GALNTL6: variants seen among roughly 807,000 people sequenced by gnomAD.
The protein encoded by GALNTL6 is polypeptide N-acetylgalactosaminyltransferase like 6.
A neutral mutation model predicts 73.7 loss-of-function variants in GALNTL6; 46 were observed. That is an observed-to-expected ratio of 0.62 (90% CI 0.49 to 0.80). GALNTL6 has a LOEUF of 0.80. GALNTL6 is among the 30% of genes least tolerant of loss of function. The probability of loss-of-function intolerance (pLI) is 0.00; values close to 1 mark genes in which losing one functional copy is unlikely to be tolerated. For missense variants in GALNTL6, 604 were observed against 755.0 expected (o/e 0.80, Z 2.34); for synonymous variants, 259 against 263.7 (o/e 0.98, Z 0.17).
intron 2 of GALNTL6, among the ~76,000 whole-genome samples, chr4:172,179,864 G>C (rs575489784): frequency 6.6e-6 from 1 of 152,226 alleles, no homozygotes; most frequent in African/African-American, 2.4e-5. Flanking sequence ...ATTTGGGTTG[G>C]TTCCAAGTCT....
intron 10 of GALNTL6, among the ~76,000 whole-genome samples, chr4:173,008,523 A>C (rs1752395731): frequency 6.6e-6 from 1 of 152,210 alleles, no homozygotes; most frequent in African/African-American, 2.4e-5. Flanking sequence ...ATACACCAAG[A>C]TATGAGGTTG....
intron 5 of GALNTL6, among the ~76,000 whole-genome samples, chr4:172,477,056 G>A (rs1159798762): frequency 6.6e-6 from 1 of 150,844 alleles, no homozygotes; most frequent in African/African-American, 2.4e-5. Context: ...TCCTGAGCTG[G>A]GACTACAGGC....
chr4:171,843,839 A>C (rs1579503151), intron 2 of GALNTL6, among the ~76,000 whole-genome samples: 4 of 152,210 alleles, frequency 2.6e-5, no homozygotes, highest in Admixed American at 2.6e-4. Flanking sequence ...ATTATTTGAC[A>C]ATCAATAGTG....
In GALNTL6 at chr4:171,839,337, C is replaced by T. The variant is rs76277109; in HGVS notation, c.138+24619C>T. ...AATTTCTGATTTAAAAAAAATCTGC[C>T]TGACTGGTTGATCAGGAATTTATCT... On this transcript the variant is annotated intron_variant, in intron 2 of 12. Coordinates refer to ENST00000506823, the MANE Select transcript of GALNTL6 (RefSeq NM_001034845.3). Among the ~76,000 whole-genome samples, 114 of 152,140 alleles carry T rather than the reference C, an allele frequency of 7.5e-4. 1 individual carries two copies. The East Asian group carries it at 0.015, about 21-fold the overall frequency.
chr4:172,468,682 T>A (rs991461123), intron 5 of GALNTL6, among the ~76,000 whole-genome samples: 4 of 152,160 alleles, frequency 2.6e-5, no homozygotes, highest in African/African-American at 9.7e-5. Flanking sequence ...GGTGGTAGGT[T>A]GTAAGTCAAG....
chr4:171,923,786 CTGTGTGTGTGTGTGTGTGTG>C (rs563244976), intron 2 of GALNTL6, among the ~76,000 whole-genome samples: 1 of 133,206 alleles, frequency 7.5e-6, no homozygotes, highest in African/African-American at 2.9e-5. Flanking sequence ...AAAAGTATTG[CTGTGTGTGTGTGTGTGTGTG>C]TGTGTGTGTG....
chr4:172,058,833 T>A (rs1290734860), intron 2 of GALNTL6, among the ~76,000 whole-genome samples: 1 of 152,148 alleles, frequency 6.6e-6, no homozygotes, highest in Admixed American at 6.6e-5. Context: ...TTTAACTATA[T>A]CTTATAAGTC....
intron 5 of GALNTL6, among the ~76,000 whole-genome samples, chr4:172,421,657 T>C (rs991304302): frequency 6.6e-6 from 1 of 152,056 alleles, no homozygotes; most frequent in Non-Finnish European, 1.5e-5. Flanking sequence ...TAAATAACTC[T>C]ACATAAGAAA....
intron 5 of GALNTL6, among the ~76,000 whole-genome samples, chr4:172,752,046 T>TG (rs1737454257): frequency 1.5e-5 from 2 of 135,020 alleles, no homozygotes; most frequent in South Asian, 4.6e-4. Context: ...AACTTAAACT[T>TG]AAAAAAAAAA....
At position 172,503,526 on chromosome 4, in the gene GALNTL6, G is replaced by GTATATATATATATATATATATATA. The variant is rs3083398; in HGVS notation, c.553+154860_553+154861insATATATATATATATATATATATAT. The stretch of plus-strand genomic sequence containing the variant: ...CTAGTTTGAACATGTACATAGAGTA[G>GTATATATATATATATATATATATA]TATATATATATATATATATATATGT... On this transcript the variant is annotated intron_variant, in intron 5 of 12. Coordinates refer to ENST00000506823, the MANE Select transcript of GALNTL6 (RefSeq NM_001034845.3). Among the ~76,000 whole-genome samples the GTATATATATATATATATATATATA allele has an allele frequency of 1.4e-3, 122 of 85,880 alleles. 1 individual carries two copies. Among genetic ancestry groups the GTATATATATATATATATATATATA allele is most frequent in the African/African-American group, 2.4e-3 (57 of 24,066 alleles). 56.3% of individuals were successfully genotyped at this position (85,880 alleles called of 152,430 possible).
chr4:172,942,671 CTTCTT>C (rs1748971728), intron 9 of GALNTL6, among the ~76,000 whole-genome samples: 2 of 152,142 alleles, frequency 1.3e-5, no homozygotes, highest in Admixed American at 6.6e-5. Flanking sequence ...CCCGGATTTG[CTTCTT>C]TTGTTTCTGC....
chr4:172,443,175 T>A (rs1159220789), intron 5 of GALNTL6, among the ~76,000 whole-genome samples: 2 of 135,928 alleles, frequency 1.5e-5, no homozygotes, highest in African/African-American at 5.4e-5. Flanking sequence ...TCTTTTTTTT[T>A]TTTTTTTGAG....
At chr4:172,269,391 T>C (rs554450792) in intron 3 of GALNTL6, among the ~76,000 whole-genome samples, 1 of 152,190 alleles carries the variant, frequency 6.6e-6, no homozygotes, top group Non-Finnish European at 1.5e-5. Context: ...AGCACTGCAC[T>C]TCTGCACTTT....
intron 2 of GALNTL6, among the ~76,000 whole-genome samples, chr4:172,152,145 T>G (rs964538355): frequency 3.9e-5 from 6 of 151,926 alleles, no homozygotes; most frequent in African/African-American, 1.5e-4. Context: ...CCTGGCTAAA[T>G]TTTTGTATTT....
intron 5 of GALNTL6, among the ~76,000 whole-genome samples, chr4:172,715,176 T>G (rs1734990935): frequency 6.6e-6 from 1 of 152,272 alleles, no homozygotes; most frequent in East Asian, 1.9e-4. Context: ...ACTGTCTCTT[T>G]TATTAGGCAG....
chr4:172,278,603 C>T (rs968571107), intron 3 of GALNTL6, among the ~76,000 whole-genome samples: 40 of 152,152 alleles, frequency 2.6e-4, no homozygotes, highest in African/African-American at 9.1e-4. Context: ...TCCTAAATTT[C>T]TGTTAGAGAA....
intron 2 of GALNTL6, among the ~76,000 whole-genome samples, chr4:172,053,500 G>T (rs1488288904): frequency 6.6e-6 from 1 of 152,084 alleles, no homozygotes; most frequent in African/African-American, 2.4e-5. Context: ...AAAGCTGTCT[G>T]GAATTAATTC....
chr4:172,616,817 C>A (rs935581682), intron 5 of GALNTL6, among the ~76,000 whole-genome samples: 7 of 152,114 alleles, frequency 4.6e-5, no homozygotes, highest in Non-Finnish European at 8.8e-5. Flanking sequence ...TGGGCTGAAT[C>A]TTCATGAGTT....
chr4:171,987,926 G>A (rs1292170068), intron 2 of GALNTL6, among the ~76,000 whole-genome samples: 2 of 152,182 alleles, frequency 1.3e-5, no homozygotes, highest in Non-Finnish European at 2.9e-5. Context: ...TAAAGTCCAG[G>A]CCAGGAACAA....
Sources: allele counts gnomAD v4.1 joint callset (sites outside exome capture counted in the v4.1 genomes callset), GRCh38; gene constraint gnomAD v4.1.1; transcripts MANE v1.5; gene names NCBI Gene and HGNC (gene_info 2026-07-23, HGNC 2026-07-21).